Variants in MGAT4C observed in about 807,000 individuals in gnomAD.
The protein encoded by MGAT4C is MGAT4 family member C.
Under a neutral mutation model 40.1 loss-of-function variants are expected in MGAT4C, and 19 were observed. The ratio of observed to expected loss-of-function variants is 0.47; its 90% CI spans 0.33 to 0.70. The LOEUF (loss-of-function observed/expected upper bound fraction) is 0.70. Among genes scored for constraint, MGAT4C ranks in the 30% least tolerant of loss-of-function variants. The pLI is 0.02. For synonymous variants in MGAT4C, 181 were observed against 187.1 expected (o/e 0.97, Z 0.27); for missense variants, 491 against 563.2 (o/e 0.87, Z 1.30).
intron 1 of MGAT4C, among the ~76,000 whole-genome samples, chr12:86,805,280 G>C (rs1952329747): frequency 6.6e-6 from 1 of 151,840 alleles, no homozygotes; most frequent in Admixed American, 6.6e-5. Flanking sequence ...GGTATAGTGT[G>C]TGATGCTTAG....
At chr12:86,246,642 A>G (rs1952045273) in intron 1 of MGAT4C, among the ~76,000 whole-genome samples, 1 of 152,184 alleles carries the variant, frequency 6.6e-6, no homozygotes, top group Non-Finnish European at 1.5e-5. Context: ...ACAAGTTATG[A>G]AGGCCAATTT....
rs1315561617 is a variant in MGAT4C at position 86,200,161 on chromosome 12, T to C, written c.-57+56078A>G. ...TTTTTTTTTTTTGATCTGGCTTTTG[T>C]TTTTTTTTGGTCTGGCTTTTGTTTT... On this transcript the variant is annotated intron_variant, in intron 1 of 4. Transcript: ENST00000611864. Among the ~76,000 whole-genome samples, 7 of 148,430 alleles carry C rather than the reference T, an allele frequency of 4.7e-5. No homozygotes were observed. In the South Asian group the frequency reaches 1.5e-3, roughly 32 times the overall value.
chr12:86,703,232 T>C (rs1438202647), intron 2 of MGAT4C, among the ~76,000 whole-genome samples: 1 of 152,186 alleles, frequency 6.6e-6, no homozygotes, highest in African/African-American at 2.4e-5. Context: ...ATGAACAGTT[T>C]CAAATTGACA....
rs74698427 is a variant in MGAT4C at position 86,611,339 on chromosome 12, C to T, written c.-229+115870G>A. Among the ~76,000 whole-genome samples, 2,700 of 151,844 alleles carry T rather than the reference C, an allele frequency of 0.018. 147 individuals are homozygous for T. In the East Asian group the frequency reaches 0.19, roughly 11 times the overall value. ...AGACGTGCAGACACACACACACACACGTATGATAGATAGACAGGCAGACAG... is the reference window on the plus strand; with the variant it reads ...AGACGTGCAGACACACACACACACATGTATGATAGATAGACAGGCAGACAG... On this transcript the variant is annotated intron_variant, in intron 2 of 7. Transcript: ENST00000548651.
Position 86,567,699 on chromosome 12 carries a change from G to A in MGAT4C, c.-228-132434C>T, listed in dbSNP as rs142045845. Among the ~76,000 whole-genome samples, 828 of 152,298 alleles carry A rather than the reference G, an allele frequency of 5.4e-3. 4 individuals carry two copies. Among genetic ancestry groups the A allele is most frequent in the Non-Finnish European group, 9.0e-3 (615 of 68,022 alleles). ...GCTTGCTGAAGGCAATGGGAATACAGAATGGGTAGAAGAAGGTGGTCATCA... is the reference window on the plus strand; with the variant it reads ...GCTTGCTGAAGGCAATGGGAATACAAAATGGGTAGAAGAAGGTGGTCATCA... On this transcript the variant is annotated intron_variant, in intron 2 of 7. Transcript: ENST00000548651.
At chr12:86,283,864 C>T (rs904046602) in intron 4 of MGAT4C, among the ~76,000 whole-genome samples, 4 of 152,046 alleles carry the variant, frequency 2.6e-5, no homozygotes, top group East Asian at 1.9e-4. Context: ...TACAGTATAT[C>T]GCTATATGGA....
intron 1 of MGAT4C, among the ~76,000 whole-genome samples, chr12:86,101,219 G>A (rs749256518): frequency 7.9e-5 from 12 of 151,688 alleles, no homozygotes; most frequent in Non-Finnish European, 1.5e-4. Context: ...AGTAAGATAA[G>A]GGATAAGACT....
chr12:86,590,825 T>C (rs1010210374), intron 2 of MGAT4C, among the ~76,000 whole-genome samples: 5 of 152,000 alleles, frequency 3.3e-5, no homozygotes, highest in Non-Finnish European at 7.4e-5. Flanking sequence ...GATTGCATTA[T>C]GAGTTCAGTC....
At chr12:86,626,119 T>G (rs1206804017) in intron 2 of MGAT4C, among the ~76,000 whole-genome samples, 1 of 152,180 alleles carries the variant, frequency 6.6e-6, no homozygotes, top group Non-Finnish European at 1.5e-5. Context: ...GATAAAGTTT[T>G]GAATTAAAAT....
At chr12:86,198,983 C>T (rs1949930150) in intron 1 of MGAT4C, among the ~76,000 whole-genome samples, 1 of 152,032 alleles carries the variant, frequency 6.6e-6, no homozygotes, top group Non-Finnish European at 1.5e-5. Context: ...AGAACAAATG[C>T]CATCTATGTG....
rs552132955 is a variant in MGAT4C at position 86,795,894 on chromosome 12, G to A, written c.-262+42772C>T. 5.9e-5 allele frequency among the ~76,000 whole-genome samples: 9 copies of A among 152,060 alleles called. 1 individual carries two copies. The East Asian group carries it at 1.7e-3, about 29-fold the overall frequency. ...ATCTTTTTATGAATGCCTGTAAAGT[G>A]TGTCAGAATTAGGTTTGAAAGCAAA... On this transcript the variant is annotated intron_variant, in intron 1 of 7. Coordinates refer to the MGAT4C transcript ENST00000548651.
chr12:86,232,652 C>CTACA (rs1393721883), intron 1 of MGAT4C, among the ~76,000 whole-genome samples: 2 of 152,182 alleles, frequency 1.3e-5, no homozygotes, highest in African/African-American at 4.8e-5. Flanking sequence ...AGTGTCCCAC[C>CTACA]TACACATTGC....
chr12:86,235,777 T>TG (rs1335071272), intron 1 of MGAT4C, among the ~76,000 whole-genome samples: 1 of 152,066 alleles, frequency 6.6e-6, no homozygotes, highest in Non-Finnish European at 1.5e-5. Flanking sequence ...AGTAGATACT[T>TG]GCTTCCTTCA....
chr12:86,766,694 A>G (rs1565975589), intron 1 of MGAT4C, among the ~76,000 whole-genome samples: 1 of 152,134 alleles, frequency 6.6e-6, no homozygotes, highest in Non-Finnish European at 1.5e-5. Flanking sequence ...CAATCAAACT[A>G]GAACTCAAGA....
At chr12:86,200,108 G>A (rs180684983) in intron 1 of MGAT4C, among the ~76,000 whole-genome samples, 48 of 138,654 alleles carry the variant, frequency 3.5e-4, no homozygotes, top group Admixed American at 1.3e-3. Context: ...CATCACAATG[G>A]CACAAATAGT....
chr12:86,243,896 G>A (rs1049794896), intron 1 of MGAT4C, among the ~76,000 whole-genome samples: 4 of 152,108 alleles, frequency 2.6e-5, no homozygotes, highest in Admixed American at 2.0e-4. Context: ...TAAATTTGTG[G>A]TAACTTGTTA....
Position 86,087,160 on chromosome 12 carries a change from G to A in MGAT4C, c.-56-37437C>T, listed in dbSNP as rs147462390. On this transcript the variant is annotated intron_variant, in intron 1 of 4. Transcript: ENST00000611864. Reference sequence around the variant, plus strand: ...GAGTGCAGACATCTCTTCCATACACGCATTTCCTTTCTATTGGATATATAC... The same window carrying A: ...GAGTGCAGACATCTCTTCCATACACACATTTCCTTTCTATTGGATATATAC... 3.9e-5 allele frequency among the ~76,000 whole-genome samples: 6 copies of A among 151,912 alleles called. No individual in the cohort carries two copies. The East Asian group carries it at 7.8e-4, about 20-fold the overall frequency.
At chr12:86,398,112 C>T (rs1956292835) in intron 3 of MGAT4C, among the ~76,000 whole-genome samples, 1 of 152,184 alleles carries the variant, frequency 6.6e-6, no homozygotes, top group South Asian at 2.1e-4. Context: ...TAACAAATGA[C>T]TGTGAACTTG....
intron 2 of MGAT4C, among the ~76,000 whole-genome samples, chr12:86,451,373 A>G (rs1592863884): frequency 6.6e-6 from 1 of 152,308 alleles, no homozygotes; most frequent in Non-Finnish European, 1.5e-5. Context: ...ATCATGTGCC[A>G]ACTAAACATC....
Sources: allele counts gnomAD v4.1 joint callset (sites outside exome capture counted in the v4.1 genomes callset), GRCh38; gene constraint gnomAD v4.1.1; transcripts MANE v1.5; gene names NCBI Gene and HGNC (gene_info 2026-07-23, HGNC 2026-07-21).